ST14: variants seen among roughly 807,000 people sequenced by gnomAD.
ST14 encodes the protein ST14 transmembrane serine protease matriptase.
In ST14, 40 loss-of-function variants were observed where a neutral mutation model predicts 96.5. That is an observed-to-expected ratio of 0.41 (90% CI 0.32 to 0.54). ST14 has a LOEUF of 0.54. Ranked by LOEUF, ST14 falls within the 20% of genes least tolerant of loss-of-function variation. The pLI, the probability that ST14 is intolerant of heterozygous loss-of-function variation, is 0.17. For synonymous variants in ST14, 506 were observed against 492.1 expected (o/e 1.03, Z -0.37); for missense variants, 1,066 against 1,188.9 (o/e 0.90, Z 1.52).
intron 1 of ST14, among the ~76,000 whole-genome samples, chr11:130,165,228 T>A (rs1953032022): frequency 6.6e-6 from 1 of 152,208 alleles, no homozygotes; most frequent in South Asian, 2.1e-4. Context: ...CAGGAGGGGA[T>A]GGAATACTAA....
intron 9 of ST14, among the ~76,000 whole-genome samples, 190 bp from the exon 10 acceptor site, chr11:130,196,149 G>C (rs952038828): frequency 1.3e-5 from 2 of 152,122 alleles, no homozygotes; most frequent in Non-Finnish European, 2.9e-5. Context: ...GACAGAGCAA[G>C]ACTCCATCTC....
At chr11:130,205,507 G>C (rs187704425) in intron 16 of ST14, among the ~76,000 whole-genome samples, 1 of 152,012 alleles carries the variant, frequency 6.6e-6, no homozygotes, top group Non-Finnish European at 1.5e-5. Context: ...GTTTGCACCC[G>C]CATGTATTTT....
intron 1 of ST14, among the ~76,000 whole-genome samples, chr11:130,164,517 C>G (rs1953026237): frequency 6.6e-6 from 1 of 151,544 alleles, no homozygotes; most frequent in South Asian, 2.1e-4. Flanking sequence ...CCTCCCGGCT[C>G]AAGCAATCCT....
At chr11:130,161,699 C>T (rs1181145533) in intron 1 of ST14, among the ~76,000 whole-genome samples, 1 of 152,208 alleles carries the variant, frequency 6.6e-6, no homozygotes, top group Non-Finnish European at 1.5e-5. Context: ...CTCTCTGCGC[C>T]CTTGGGCTGT....
At chr11:130,167,637 G>T (rs1482851721) in intron 1 of ST14, among the ~76,000 whole-genome samples, 5 of 152,182 alleles carry the variant, frequency 3.3e-5, no homozygotes, top group Non-Finnish European at 5.9e-5. Flanking sequence ...ACAGGAGTCT[G>T]GGAGGGAGGT....
At chr11:130,204,147 T>G (rs973720827) in intron 16 of ST14, among the ~76,000 whole-genome samples, 1 of 152,204 alleles carries the variant, frequency 6.6e-6, no homozygotes, top group Non-Finnish European at 1.5e-5. Flanking sequence ...TTCATATCTC[T>G]CCACATGTAC....
In ST14 at chr11:130,207,939, T is replaced by A. The variant is rs1225541039; in HGVS notation, c.1995-471T>A. Among the ~76,000 whole-genome samples, 3 of 151,952 alleles carry A rather than the reference T, an allele frequency of 2.0e-5. No individual in the cohort carries two copies. The East Asian group carries it at 5.8e-4, about 29-fold the overall frequency. On this transcript the variant is annotated intron_variant, in intron 16 of 18. Coordinates refer to ENST00000278742, the MANE Select transcript of ST14 (RefSeq NM_021978.4). ...TACAAAAATTAGCTGGGTGTGGTGGTGTGCACTTGTAATCCCAGCTACTCA... is the reference window on the plus strand; with the variant it reads ...TACAAAAATTAGCTGGGTGTGGTGGAGTGCACTTGTAATCCCAGCTACTCA...
At position 130,187,749 on chromosome 11, in the gene ST14, C is replaced by T. The variant is rs1457790785; in HGVS notation, c.82-365C>T. On this transcript the variant is annotated intron_variant, in intron 1 of 18. Coordinates refer to ENST00000278742, the MANE Select transcript of ST14 (RefSeq NM_021978.4). This position sits in a 1 kb window ranked among gnomAD's most constrained non-coding sequence, Gnocchi z 4.5. ...GGGCTGGGGCCACTCTCCGGGGCAC[C>T]CACCTACGTCAAAGGTGATTCACTG... Among the ~76,000 whole-genome samples, 1 of 152,132 alleles carries T rather than the reference C, an allele frequency of 6.6e-6. No individual in the cohort carries two copies. The highest frequency in any genetic ancestry group is 1.5e-5 in the Non-Finnish European group (1 of 68,008).
chr11:130,208,552 G>A lies in ST14; in HGVS notation c.2137G>A (p.Ala713Thr). The A allele has an allele frequency of 1.9e-6, 3 of 1,614,198 alleles. No individual in the cohort carries two copies. The highest frequency in any genetic ancestry group is 1.1e-5 in the South Asian group (1 of 91,084). ...TGACTTCACCTTCGACTATGACATC[G>A]CGCTGCTGGAGCTGGAGAAACCGGC... ...FNDFTFDYDIALLELEKPAEY... is the reference protein window; with the variant it reads ...FNDFTFDYDITLLELEKPAEY... Residue 713 changes from alanine (A) to threonine (T), a missense_variant, in exon 17 of 19, where the codon GCG (alanine) becomes ACG (threonine). Coordinates refer to ENST00000278742, the MANE Select transcript of ST14 (RefSeq NM_021978.4).
At position 130,188,362 on chromosome 11, in the gene ST14, A is replaced by G; in HGVS notation, c.241+89A>G. ...CGGACAGACCCAGGGCCACCTACTG[A>G]GTACACGAGGATCTCTTGGCCTCTC... On this transcript the variant is annotated intron_variant, in intron 2 of 18. Transcript: ENST00000278742. This position sits in a 1 kb window ranked among gnomAD's most constrained non-coding sequence, Gnocchi z 5.4. 1 of 1,579,954 alleles carries G rather than the reference A, an allele frequency of 6.3e-7. No homozygotes were observed. Among genetic ancestry groups the G allele is most frequent in the Non-Finnish European group, 8.6e-7 (1 of 1,160,346 alleles).
intron 1 of ST14, among the ~76,000 whole-genome samples, chr11:130,183,200 T>C (rs1209386227): frequency 6.6e-6 from 1 of 152,010 alleles, no homozygotes; most frequent in Non-Finnish European, 1.5e-5. Context: ...CCTCAGGTGA[T>C]CTGCCTGCCT....
chr11:130,196,697 G>T lies in ST14; in HGVS notation c.1351G>T (p.Asp451Tyr). The T allele has an allele frequency of 6.2e-7, 1 of 1,614,212 alleles. No individual in the cohort carries two copies. The highest frequency in any genetic ancestry group is 8.5e-7 in the Non-Finnish European group (1 of 1,180,046). ...LAEYLSYDSSDPCPGQFTCRT... is the reference protein window; with the variant it reads ...LAEYLSYDSSYPCPGQFTCRT... ...TGAATACCTCTCCTACGACTCCAGTGACCGTGAGTGAACATTGTTGGGAGG... is the reference window on the plus strand; with the variant it reads ...TGAATACCTCTCCTACGACTCCAGTTACCGTGAGTGAACATTGTTGGGAGG... The change falls in exon 11 of 19, where the codon GAC becomes TAC. Residue 451 changes from aspartate to tyrosine, a missense_variant. Transcript: ENST00000278742.
In ST14 at chr11:130,204,142, A is replaced by G. The variant is rs1025100275; in HGVS notation, c.1994+4005A>G. On this transcript the variant is annotated intron_variant, in intron 16 of 18. Coordinates refer to ENST00000278742, the MANE Select transcript of ST14 (RefSeq NM_021978.4). ...TCACGCTGTAATTGGTGGTTTTCAT[A>G]TCTCTCCACATGTACACTGTGAACC... is the stretch of plus-strand genomic sequence containing the variant. 5.3e-5 allele frequency among the ~76,000 whole-genome samples: 8 copies of G among 152,286 alleles called. No individual in the cohort carries two copies. The South Asian group carries it at 1.7e-3, about 32-fold the overall frequency.
intron 12 of ST14, 64 bp downstream of exon 12, chr11:130,198,009 C>T (rs910854240): frequency 6.8e-7 from 1 of 1,477,984 alleles, no homozygotes. Context: ...CGTCCCATGG[C>T]CCTGCTGGCT....
Position 130,209,754 on chromosome 11 carries a change from G to A in ST14, c.2499G>A (p.Arg833=). ...GCTGGGGAGACGGCTGCGCTCAGAG[G>A]AACAAGCCAGGCGTGTACACAAGGC... ...VVSWGDGCAQ[R]NKPGVYTRLP... The change falls in exon 19 of 19, where the codon AGG becomes AGA. Residue 833 remains arginine (R), a synonymous_variant. Transcript: ENST00000278742. 6.2e-7 allele frequency: 1 copy of A among 1,614,018 alleles called. No individual in the cohort carries two copies. Among genetic ancestry groups the A allele is most frequent in the Middle Eastern group, 1.7e-4 (1 of 6,060 alleles).
At chr11:130,196,893 C>T (rs117579710) in intron 11 of ST14, 193 bp downstream of exon 11, 19,203 of 773,068 alleles carry the variant, frequency 0.025, 285 homozygotes, top group Middle Eastern at 0.034. Flanking sequence ...TGGCTGTGAG[C>T]GCTGGCACAC....
At chr11:130,207,491 C>T (rs932018902) in intron 16 of ST14, among the ~76,000 whole-genome samples, 1 of 152,190 alleles carries the variant, frequency 6.6e-6, no homozygotes, top group African/African-American at 2.4e-5. Context: ...GTGCAGGTTA[C>T]AGTGAACTGA....
In ST14 at chr11:130,190,483, G is replaced by T; in HGVS notation, c.664G>T (p.Gly222Cys). 2 of 1,608,018 alleles carry T rather than the reference G, an allele frequency of 1.2e-6. No individual in the cohort carries two copies. The highest frequency in any genetic ancestry group is 1.7e-6 in the Non-Finnish European group (2 of 1,179,886). Residue 222 changes from glycine to cysteine, a missense_variant, in exon 7 of 19, where the codon GGT becomes TGT. Gly to Cys is a radical substitution (Grantham distance 159, BLOSUM62 -3). Coordinates refer to ENST00000278742, the MANE Select transcript of ST14 (RefSeq NM_021978.4). ...CTGCAGCTTTGGCCTGCACGCCCGC[G>T]GTGTGGAGCTGATGCGCTTCACCAC... ...NSCSFGLHAR[G>C]VELMRFTTPG...
intron 17 of ST14, 125 bp from the exon 18 acceptor site, chr11:130,209,317 G>C (rs1363826385): frequency 1.4e-5 from 18 of 1,315,390 alleles, no homozygotes; most frequent in Non-Finnish European, 1.8e-5. Context: ...CGGATTACCC[G>C]TTTGTCAGCC....
Sources: gnomAD v4.1 joint callset for allele counts (sites outside exome capture counted in the v4.1 genomes callset) on GRCh38, gnomAD v4.1.1 for gene constraint, Gnocchi (gnomAD v3.1) non-coding constraint, MANE v1.5 for transcripts, NCBI Gene and HGNC (gene_info 2026-07-23, HGNC 2026-07-21) for gene names.